The following CNOT2 variants were observed in gnomAD, a reference collection of about 807,000 sequenced individuals.
CNOT2 encodes the protein CCR4-NOT transcription complex subunit 2.
A neutral mutation model predicts 72.1 loss-of-function variants in CNOT2; 7 were observed. The observed-to-expected ratio is 0.10, with a 90% CI of 0.06 to 0.18. CNOT2 has a LOEUF of 0.18. Ranked by LOEUF, CNOT2 falls within the 10% of genes least tolerant of loss-of-function variation. The pLI is 1.00. For missense variants in CNOT2, 345 were observed against 660.3 expected, an observed-to-expected ratio of 0.52 and a Z score of 5.23; for synonymous variants, 196 against 225.6, an observed-to-expected ratio of 0.87 and a Z score of 1.17.
intron 1 of CNOT2, among the ~76,000 whole-genome samples, chr12:70,255,455 T>C (rs1404781035): frequency 2.0e-5 from 3 of 152,196 alleles, no homozygotes; most frequent in Non-Finnish European, 2.9e-5. Context: ...TCTTGGGTAC[T>C]GAGCCTTTTG....
At chr12:70,272,081 A>G (rs539466644) in intron 1 of CNOT2, among the ~76,000 whole-genome samples, 4 of 152,222 alleles carry the variant, frequency 2.6e-5, no homozygotes, top group Non-Finnish European at 5.9e-5. Flanking sequence ...TTTTCTTACT[A>G]GACAAGGTGC....
intron 4 of CNOT2, chr12:70,321,414 C>A (rs1674772675): frequency 6.6e-6 from 1 of 151,764 alleles, no homozygotes; most frequent in African/African-American, 2.4e-5. Flanking sequence ...TGTCAGACAG[C>A]AGAACACAAG....
At chr12:70,330,742 T>C (rs1006173337) in intron 6 of CNOT2, 1 of 316,578 alleles carries the variant, frequency 3.2e-6, no homozygotes, top group Non-Finnish European at 5.8e-6. Context: ...TTGGTTGATA[T>C]GTCCTCTCTT....
At chr12:70,316,084 GTAGT>G (rs1375608638) in intron 3 of CNOT2, among the ~76,000 whole-genome samples, 2 of 152,030 alleles carry the variant, frequency 1.3e-5, no homozygotes, top group Non-Finnish European at 2.9e-5. Context: ...TGTGAGGTAG[GTAGT>G]TATTTTCATT....
At chr12:70,317,611 ATTTTTTT>A (rs529433652) in intron 3 of CNOT2, among the ~76,000 whole-genome samples, 15 of 105,438 alleles carry the variant, frequency 1.4e-4, no homozygotes, top group African/African-American at 4.1e-4. Context: ...ATAAGGTTTG[ATTTTTTT>A]TTTTTTTTTT....
At chr12:70,243,798 G>C (rs1477856245) in intron 1 of CNOT2, 1 of 152,348 alleles carries the variant, frequency 6.6e-6, no homozygotes, top group Non-Finnish European at 1.5e-5. Flanking sequence ...TCCTAGGCCC[G>C]GTCCCATCCG....
chr12:70,296,411 G>A (rs1003788657), intron 2 of CNOT2, among the ~76,000 whole-genome samples: 5 of 151,866 alleles, frequency 3.3e-5, no homozygotes, highest in Admixed American at 3.3e-4. Context: ...ATTCATTGAG[G>A]CCTTTTTTGC....
chr12:70,319,142 A>G, intron 3 of CNOT2, 156 bp from the exon 4 acceptor site: 2 of 514,296 alleles, frequency 3.9e-6, no homozygotes, highest in Non-Finnish European at 6.6e-6. Context: ...CTTAAGAAAC[A>G]TGGAATATAT....
chr12:70,338,868 G>T (rs759861560), intron 11 of CNOT2, 46 bp downstream of exon 11: 7 of 1,495,274 alleles, frequency 4.7e-6, no homozygotes, highest in Non-Finnish European at 5.5e-6. Flanking sequence ...TACCTCTTCA[G>T]ACTTCCAGTT....
intron 9 of CNOT2, chr12:70,337,807 TG>T: frequency 2.1e-6 from 1 of 474,082 alleles, no homozygotes; most frequent in South Asian, 1.6e-5. Context: ...TCTAAGGAGC[TG>T]TGTTTTTCTT....
At chr12:70,322,557 C>A (rs1027698422) in intron 4 of CNOT2, 2 of 151,452 alleles carry the variant, frequency 1.3e-5, no homozygotes, top group African/African-American at 4.9e-5. Context: ...AGCAAAATAT[C>A]TGGGTGAATT....
intron 14 of CNOT2, chr12:70,345,029 G>T (rs1441494251): frequency 1.3e-5 from 2 of 152,060 alleles, no homozygotes; most frequent in Non-Finnish European, 2.9e-5. Context: ...AAAGAAATTG[G>T]TTCATTGATA....
chr12:70,319,171 T>C (rs954104757), intron 3 of CNOT2, 127 bp from the exon 4 acceptor site: 2 of 704,634 alleles, frequency 2.8e-6, no homozygotes, highest in Non-Finnish European at 4.5e-6. Context: ...GTTTGTTTTA[T>C]GTTTTTCTGA....
intron 2 of CNOT2, among the ~76,000 whole-genome samples, chr12:70,298,582 C>T (rs1344545243): frequency 6.6e-6 from 1 of 152,134 alleles, no homozygotes; most frequent in East Asian, 1.9e-4. Flanking sequence ...TTAGAATATT[C>T]CCTGGCACAA....
At chr12:70,336,514 A>G (rs1880724564) in intron 8 of CNOT2, 1 of 152,094 alleles carries the variant, frequency 6.6e-6, no homozygotes, top group Non-Finnish European at 1.5e-5. Flanking sequence ...TAGAATTAAT[A>G]TTTGATCACA....
intron 15 of CNOT2, among the ~76,000 whole-genome samples, chr12:70,349,669 T>C (rs968075111): frequency 1.3e-5 from 2 of 152,236 alleles, no homozygotes; most frequent in African/African-American, 4.8e-5. Flanking sequence ...ATCCATTATT[T>C]ATTTACATAA....
intron 14 of CNOT2, chr12:70,344,456 A>G: frequency 2.3e-6 from 1 of 432,240 alleles, no homozygotes; most frequent in Non-Finnish European, 4.1e-6. Context: ...AGCTGGGTGC[A>G]GTGGCTCACA....
chr12:70,289,722 C>T (rs1183705650), intron 2 of CNOT2, among the ~76,000 whole-genome samples: 1 of 151,880 alleles, frequency 6.6e-6, no homozygotes, highest in Non-Finnish European at 1.5e-5. Flanking sequence ...ATTATTCTGC[C>T]TTCTTTTACA....
At chr12:70,328,206 C>G (rs1237389487) in intron 4 of CNOT2, among the ~76,000 whole-genome samples, 1 of 151,890 alleles carries the variant, frequency 6.6e-6, no homozygotes, top group African/African-American at 2.4e-5. Context: ...CACAGTTAGT[C>G]TACAAGCTGA....
Sources: allele counts gnomAD v4.1 joint callset (sites outside exome capture counted in the v4.1 genomes callset), GRCh38; gene constraint gnomAD v4.1.1; transcripts MANE v1.5; gene names NCBI Gene and HGNC (gene_info 2026-07-23, HGNC 2026-07-21).